Variants in GRB10 observed in about 807,000 individuals in gnomAD.
GRB10 encodes growth factor receptor-bound protein 10.
A neutral mutation model predicts 80.9 loss-of-function variants in GRB10; 20 were observed. The observed-to-expected ratio is 0.25, with a 90% CI of 0.17 to 0.36. GRB10 has a LOEUF of 0.36. Among genes scored for constraint, GRB10 ranks in the 10% least tolerant of loss-of-function variants. The pLI is 1.00. For missense variants in GRB10, 548 were observed against 747.7 expected, an observed-to-expected ratio of 0.73 and a Z score of 3.12; for synonymous variants, 291 against 291.5, an observed-to-expected ratio of 1.00 and a Z score of 0.02.
At chr7:50,670,293 C>T (rs767692907) in intron 6 of GRB10, among the ~76,000 whole-genome samples, 8 of 151,930 alleles carry the variant, frequency 5.3e-5, no homozygotes, top group Non-Finnish European at 7.4e-5. Flanking sequence ...AATGGGGAAT[C>T]GCTGTTTATT....
chr7:50,628,048 C>T (rs185088525), intron 7 of GRB10, among the ~76,000 whole-genome samples: 34 of 152,314 alleles, frequency 2.2e-4, no homozygotes, highest in Admixed American at 6.5e-5. Flanking sequence ...AAGACCCGGA[C>T]TTGGGGGTGA....
intron 2 of GRB10, among the ~76,000 whole-genome samples, chr7:50,767,707 C>T (rs569718697): frequency 5.3e-5 from 8 of 152,286 alleles, no homozygotes; most frequent in Admixed American, 1.3e-4. Context: ...GTTCTTACAT[C>T]GTCCTATCCA....
intron 5 of GRB10, among the ~76,000 whole-genome samples, chr7:50,687,862 C>T (rs987678877): frequency 6.6e-6 from 1 of 152,210 alleles, no homozygotes; most frequent in Non-Finnish European, 1.5e-5. Flanking sequence ...TCTGACACAT[C>T]GTGTACTTAC....
At chr7:50,638,724 C>A (rs983018417) in intron 7 of GRB10, among the ~76,000 whole-genome samples, 8 of 152,094 alleles carry the variant, frequency 5.3e-5, no homozygotes. Context: ...CCATTCAACC[C>A]AGTAATCCCA....
At chr7:50,783,504 C>CCACA (rs1295737743), upstream of GRB10, among the ~76,000 whole-genome samples, 1 of 151,202 alleles carries the variant, frequency 6.6e-6, no homozygotes, top group Non-Finnish European at 1.5e-5. Flanking sequence ...TACATACACA[C>CCACA]CACACACACA....
intron 17 of GRB10, chr7:50,595,962 G>T (rs1050777892): frequency 6.0e-5 from 10 of 166,676 alleles, no homozygotes; most frequent in Admixed American, 1.7e-4. Flanking sequence ...ATCGGAATCC[G>T]TGTCTGTAGT....
intron 5 of GRB10, among the ~76,000 whole-genome samples, chr7:50,676,013 T>C (rs2060886855): frequency 3.3e-5 from 5 of 152,224 alleles, no homozygotes; most frequent in Admixed American, 3.3e-4. Context: ...TCTAATAATA[T>C]TGACTCCTTT....
chr7:50,674,964 C>T (rs965609846), intron 5 of GRB10, among the ~76,000 whole-genome samples: 1 of 152,184 alleles, frequency 6.6e-6, no homozygotes, highest in Non-Finnish European at 1.5e-5. Flanking sequence ...CTCTCCTCCC[C>T]ACCCCCTCCG....
chr7:50,688,643 A>T (rs1039135389), intron 5 of GRB10, among the ~76,000 whole-genome samples: 2 of 151,556 alleles, frequency 1.3e-5, no homozygotes, highest in Non-Finnish European at 2.9e-5. Flanking sequence ...TAGAGTGAGG[A>T]CTCACTCCTA....
At chr7:50,705,886 G>GC (rs1391953182) in intron 4 of GRB10, among the ~76,000 whole-genome samples, 5 of 152,246 alleles carry the variant, frequency 3.3e-5, no homozygotes, top group Non-Finnish European at 7.3e-5. Flanking sequence ...AAGAACCTCC[G>GC]CAACAGGCGC....
intron 17 of GRB10, among the ~76,000 whole-genome samples, chr7:50,600,898 C>T (rs182802767): frequency 1.3e-5 from 2 of 152,350 alleles, no homozygotes; most frequent in Admixed American, 1.3e-4. Flanking sequence ...AGCCCCACTT[C>T]TCAGGACTCA....
At chr7:50,765,753 CTT>C (rs1453671733) in intron 2 of GRB10, among the ~76,000 whole-genome samples, 1 of 151,530 alleles carries the variant, frequency 6.6e-6, no homozygotes, top group African/African-American at 2.4e-5. Flanking sequence ...AATAAGTACA[CTT>C]AATTAAATAA....
At chr7:50,702,547 A>C (rs1313150386) in intron 5 of GRB10, among the ~76,000 whole-genome samples, 1 of 152,204 alleles carries the variant, frequency 6.6e-6, no homozygotes, top group Non-Finnish European at 1.5e-5. Flanking sequence ...GTGTGCTTAA[A>C]GGTATCAACC....
At chr7:50,657,226 G>C (rs893519084) in intron 7 of GRB10, among the ~76,000 whole-genome samples, 2 of 152,252 alleles carry the variant, frequency 1.3e-5, no homozygotes, top group Admixed American at 1.3e-4. Context: ...ACTCTGGGCA[G>C]ATGGAAAGAG....
At chr7:50,740,369 C>A (rs1292874888) in intron 3 of GRB10, among the ~76,000 whole-genome samples, 1 of 152,104 alleles carries the variant, frequency 6.6e-6, no homozygotes, top group Non-Finnish European at 1.5e-5. Flanking sequence ...CCCTGCCATA[C>A]CCAGAACAGC....
At chr7:50,645,666 C>T (rs1469770121) in intron 7 of GRB10, 3 of 982,082 alleles carry the variant, frequency 3.1e-6, no homozygotes, top group African/African-American at 1.7e-5. Flanking sequence ...AAAGCAAACG[C>T]CGTCGTATCA....
intron 7 of GRB10, among the ~76,000 whole-genome samples, chr7:50,637,513 G>A (rs1008833982): frequency 6.6e-5 from 10 of 151,818 alleles, no homozygotes; most frequent in African/African-American, 2.4e-4. Flanking sequence ...ATTGCCACAA[G>A]GAAAACTACA....
intron 5 of GRB10, among the ~76,000 whole-genome samples, chr7:50,690,675 C>T (rs1369616427): frequency 5.1e-5 from 5 of 98,814 alleles, no homozygotes; most frequent in Admixed American, 3.6e-4. Context: ...AATGAATGAA[C>T]GAATGAACGA....
intron 17 of GRB10, among the ~76,000 whole-genome samples, chr7:50,603,676 G>A (rs532453701): frequency 6.6e-6 from 1 of 152,190 alleles, no homozygotes; most frequent in Non-Finnish European, 1.5e-5. Flanking sequence ...AAAAAGCGTA[G>A]GCAAAAGCAT....
Sources: gnomAD v4.1 joint callset for allele counts (sites outside exome capture counted in the v4.1 genomes callset) on GRCh38, gnomAD v4.1.1 for gene constraint, MANE v1.5 for transcripts, NCBI Gene and HGNC (gene_info 2026-07-23, HGNC 2026-07-21) for gene names.